ROBO2: variants seen among roughly 807,000 people sequenced by gnomAD.
The protein encoded by ROBO2 is roundabout guidance receptor 2.
Under a neutral mutation model 160.8 loss-of-function variants are expected in ROBO2, and 53 were observed. The ratio of observed to expected loss-of-function variants is 0.33; its 90% CI spans 0.26 to 0.41. The LOEUF (loss-of-function observed/expected upper bound fraction) is 0.41, where lower values mean the gene tolerates loss of function less well. ROBO2 is among the 10% of genes least tolerant of loss of function. The pLI, the probability that ROBO2 is intolerant of heterozygous loss-of-function variation, is 1.00. For missense variants in ROBO2, 1,577 were observed against 1,722.4 expected (o/e 0.92, Z 1.49); for synonymous variants, 664 against 611.7 (o/e 1.09, Z -1.26).
chr3:76,840,385 G>A lies in ROBO2; in HGVS notation c.110-257629G>A, dbSNP rs566143877. Among the ~76,000 whole-genome samples, 14 of 151,370 alleles carry A rather than the reference G, an allele frequency of 9.2e-5. No homozygotes were observed. The South Asian group carries it at 2.3e-3, about 25-fold the overall frequency. On this transcript the variant is annotated intron_variant, in intron 2 of 26. Coordinates refer to the ROBO2 transcript ENST00000487694. Reference sequence around the variant, plus strand: ...AGCACTTTGGGAGGCCGAGGCAGGCGGATCACGAGGTCAGGAGATTGAGAC... The same window carrying A: ...AGCACTTTGGGAGGCCGAGGCAGGCAGATCACGAGGTCAGGAGATTGAGAC...
Position 77,103,321 on chromosome 3 carries a change from CAG to C in ROBO2, c.388+4986_388+4987del, listed in dbSNP as rs1447682987. On this transcript the variant is annotated intron_variant, in intron 2 of 25. Coordinates refer to ENST00000461745, the Ensembl canonical transcript of ROBO2. ...TCCTTTTCTCAGCACTGTGCCAGTGCAGAGAGTAGAGATTAAATGAGGTGCTG... is the reference window on the plus strand; with the variant it reads ...TCCTTTTCTCAGCACTGTGCCAGTGCAGAGTAGAGATTAAATGAGGTGCTG... Among the ~76,000 whole-genome samples the C allele has an allele frequency of 4.6e-5, 7 of 151,994 alleles. No individual in the cohort carries two copies. In the East Asian group the frequency reaches 1.4e-3, roughly 29 times the overall value.
intron 5 of ROBO2, among the ~76,000 whole-genome samples, chr3:77,501,719 A>C (rs1379356680): frequency 6.6e-6 from 1 of 152,236 alleles, no homozygotes; most frequent in Non-Finnish European, 1.5e-5. Context: ...GAAGAAAAAA[A>C]GAAACCAGAA....
chr3:76,144,823 A>T (rs968900090), intron 2 of ROBO2, among the ~76,000 whole-genome samples: 10 of 151,982 alleles, frequency 6.6e-5, no homozygotes, highest in Non-Finnish European at 1.2e-4. Flanking sequence ...CATTTTCCTG[A>T]AAAGAGTTCC....
intron 2 of ROBO2, among the ~76,000 whole-genome samples, chr3:76,258,154 C>CT (rs551546658): frequency 6.0e-5 from 9 of 151,170 alleles, no homozygotes; most frequent in South Asian, 2.1e-4. Context: ...AAACTAAACA[C>CT]TTTTTTTTTC....
chr3:76,600,638 G>T (rs146193325), intron 2 of ROBO2, among the ~76,000 whole-genome samples: 1 of 152,062 alleles, frequency 6.6e-6, no homozygotes, highest in Non-Finnish European at 1.5e-5. Flanking sequence ...TGCAGGAAAG[G>T]CCCACCCCCA....
At chr3:76,468,199 G>A (rs192356937) in intron 2 of ROBO2, among the ~76,000 whole-genome samples, 32 of 152,088 alleles carry the variant, frequency 2.1e-4, no homozygotes, top group African/African-American at 4.6e-4. Context: ...TAAGTAAATT[G>A]TCCAAGGCTA....
intron 2 of ROBO2, among the ~76,000 whole-genome samples, chr3:76,906,801 T>G (rs1559683404): frequency 6.6e-6 from 1 of 152,150 alleles, no homozygotes; most frequent in Non-Finnish European, 1.5e-5. Context: ...CTCCAATATG[T>G]TATAGATTTT....
chr3:77,266,494 A>G (rs2153346825), intron 2 of ROBO2, among the ~76,000 whole-genome samples: 1 of 152,220 alleles, frequency 6.6e-6, no homozygotes, highest in South Asian at 2.1e-4. Flanking sequence ...AAAGTAGCTG[A>G]GGAATAGCTG....
At chr3:76,246,659 T>G (rs984618892) in intron 2 of ROBO2, among the ~76,000 whole-genome samples, 2 of 152,148 alleles carry the variant, frequency 1.3e-5, no homozygotes, top group African/African-American at 4.8e-5. Flanking sequence ...GTGCATAATT[T>G]TTCCCACCCA....
intron 2 of ROBO2, among the ~76,000 whole-genome samples, chr3:76,164,145 A>G (rs550939797): frequency 3.0e-4 from 45 of 152,326 alleles, no homozygotes; most frequent in African/African-American, 1.1e-3. Context: ...CTCTTTGCTC[A>G]TCCATAAGAG....
chr3:76,720,474 T>G (rs2093447602), intron 2 of ROBO2, among the ~76,000 whole-genome samples: 1 of 152,108 alleles, frequency 6.6e-6, no homozygotes, highest in African/African-American at 2.4e-5. Flanking sequence ...ATCTGGACTT[T>G]CAGAGGCATT....
At chr3:76,583,751 CA>C (rs892372610) in intron 2 of ROBO2, among the ~76,000 whole-genome samples, 11 of 152,060 alleles carry the variant, frequency 7.2e-5, no homozygotes, top group African/African-American at 2.7e-4. Context: ...CTGCTACGTG[CA>C]AAATCGATGC....
At chr3:76,589,229 C>T (rs548072044) in intron 2 of ROBO2, among the ~76,000 whole-genome samples, 18 of 152,206 alleles carry the variant, frequency 1.2e-4, no homozygotes, top group South Asian at 2.1e-4. Flanking sequence ...TGAATATATA[C>T]AAAGTTTATC....
At chr3:76,717,447 C>T (rs577017323) in intron 2 of ROBO2, among the ~76,000 whole-genome samples, 5 of 150,232 alleles carry the variant, frequency 3.3e-5, no homozygotes, top group African/African-American at 4.9e-5. Context: ...GCCAAGAATG[C>T]GCCACTGCAC....
chr3:77,344,979 C>A (rs2067472953), intron 2 of ROBO2, among the ~76,000 whole-genome samples: 1 of 152,078 alleles, frequency 6.6e-6, no homozygotes, highest in Non-Finnish European at 1.5e-5. Context: ...TGACAAATTA[C>A]CCCAAAGCTT....
intron 19 of ROBO2, among the ~76,000 whole-genome samples, chr3:77,600,904 TATG>T (rs770134962): frequency 1.8e-4 from 27 of 152,240 alleles, no homozygotes; most frequent in South Asian, 6.2e-4. Flanking sequence ...CCTGGTGAAA[TATG>T]ATAAGTTAAA....
chr3:76,279,721 C>T (rs919453056), intron 2 of ROBO2, among the ~76,000 whole-genome samples: 2 of 144,104 alleles, frequency 1.4e-5, no homozygotes, highest in African/African-American at 4.9e-5. Flanking sequence ...AAACAATTAT[C>T]ATTGCATCAG....
intron 2 of ROBO2, among the ~76,000 whole-genome samples, chr3:76,963,388 G>C (rs1243250175): frequency 6.6e-6 from 1 of 152,056 alleles, no homozygotes; most frequent in Non-Finnish European, 1.5e-5. Flanking sequence ...AAAGCATGCA[G>C]AACTACAATT....
At chr3:76,690,444 G>C (rs943266281) in intron 2 of ROBO2, among the ~76,000 whole-genome samples, 1 of 151,890 alleles carries the variant, frequency 6.6e-6, no homozygotes, top group African/African-American at 2.4e-5. Context: ...CATCATCTTG[G>C]AGGATACAAC....
Sources: gnomAD v4.1 joint callset for allele counts (sites outside exome capture counted in the v4.1 genomes callset) on GRCh38, gnomAD v4.1.1 for gene constraint, MANE v1.5 for transcripts, NCBI Gene and HGNC (gene_info 2026-07-23, HGNC 2026-07-21) for gene names.